ADAM32: variants seen among roughly 807,000 people sequenced by gnomAD.
The protein encoded by ADAM32 is ADAM metallopeptidase domain 32, also known as disintegrin and metalloproteinase domain-containing protein 32.
A neutral mutation model predicts 114.9 loss-of-function variants in ADAM32; 89 were observed. The observed-to-expected ratio is 0.77, with a 90% CI of 0.65 to 0.92. The LOEUF (loss-of-function observed/expected upper bound fraction) is 0.92, where lower values mean the gene tolerates loss of function less well. ADAM32 is among the 40% of genes least tolerant of loss of function. The pLI is 0.00. For synonymous variants in ADAM32, 285 were observed against 307.5 expected (o/e 0.93, Z 0.77); for missense variants, 870 against 932.8 (o/e 0.93, Z 0.88).
chr8:39,193,798 T>C (rs958197849), intron 11 of ADAM32, among the ~76,000 whole-genome samples: 1 of 152,192 alleles, frequency 6.6e-6, no homozygotes, highest in African/African-American at 2.4e-5. Context: ...GACTGCATGC[T>C]TTAATTCTGT....
intron 19 of ADAM32, among the ~76,000 whole-genome samples, chr8:39,270,290 G>A (rs940078159): frequency 2.0e-5 from 3 of 152,136 alleles, no homozygotes; most frequent in African/African-American, 7.2e-5. Flanking sequence ...TGACACTTGG[G>A]AGTCCTACTT....
chr8:39,136,096 C>T (rs547367198), intron 2 of ADAM32, among the ~76,000 whole-genome samples: 83 of 152,290 alleles, frequency 5.5e-4, no homozygotes, highest in African/African-American at 1.9e-3. Context: ...CCCTTTTGCT[C>T]TATAAAATCT....
chr8:39,270,586 G>A (rs955255374), intron 19 of ADAM32, among the ~76,000 whole-genome samples: 2 of 152,150 alleles, frequency 1.3e-5, no homozygotes, highest in African/African-American at 4.8e-5. Flanking sequence ...GACATTCAAG[G>A]TCAAATCTAG....
At chr8:39,279,366 C>A (rs1813282562) in intron 22 of ADAM32, among the ~76,000 whole-genome samples, 1 of 152,224 alleles carries the variant, frequency 6.6e-6, no homozygotes, top group African/African-American at 2.4e-5. Flanking sequence ...CTCACTGCAA[C>A]TTCCATCTCC....
At chr8:39,231,146 C>G (rs1189057018) in intron 14 of ADAM32, among the ~76,000 whole-genome samples, 1 of 152,096 alleles carries the variant, frequency 6.6e-6, no homozygotes, top group Non-Finnish European at 1.5e-5. Context: ...TTGAGTTAAT[C>G]AAAAGGGAGG....
intron 17 of ADAM32, among the ~76,000 whole-genome samples, chr8:39,249,527 C>G: frequency 6.6e-6 from 1 of 152,140 alleles, no homozygotes; most frequent in Non-Finnish European, 1.5e-5. Flanking sequence ...GAGGAAGTAT[C>G]CCCTCTGCTT....
At chr8:39,266,363 A>C (rs966868837) in intron 19 of ADAM32, among the ~76,000 whole-genome samples, 2 of 152,310 alleles carry the variant, frequency 1.3e-5, no homozygotes, top group African/African-American at 4.8e-5. Flanking sequence ...CATTTAAAAA[A>C]TTATTTTTTC....
rs1258291242 is a variant in ADAM32 at position 39,147,205 on chromosome 8, G to A, written c.276G>A (p.Gln92=). ...GSMNTYSSDI[Q]TQCYYQGNIE... ...TGAATACTTATTCTTCAGATATTCA[G>A]GTAAGATTTAAATTCTGTGTTTTAT... Residue 92 remains glutamine, a splice_region_variant and synonymous_variant, in exon 4 of 25, where the codon CAG becomes CAA. Coordinates refer to ENST00000379907, the MANE Select transcript of ADAM32 (RefSeq NM_145004.7). The A allele has an allele frequency of 5.0e-6, 5 of 997,110 alleles. No homozygotes were observed. Among genetic ancestry groups the A allele is most frequent in the Non-Finnish European group, 6.6e-6 (5 of 752,910 alleles). The allele number at this position is 997,110 out of a possible 1,614,324, so 61.8% of individuals were successfully genotyped here.
At chr8:39,151,340 A>G in intron 5 of ADAM32, 37 bp from the exon 6 acceptor site, 1 of 1,496,194 alleles carries the variant, frequency 6.7e-7, no homozygotes, top group African/African-American at 1.4e-5. Flanking sequence ...TATAGATTTG[A>G]TTAAAAGCAC....
At chr8:39,177,061 CTTT>C (rs138755208) in intron 10 of ADAM32, among the ~76,000 whole-genome samples, 130 of 142,930 alleles carry the variant, frequency 9.1e-4, no homozygotes, top group Non-Finnish European at 1.5e-3. Context: ...TCATCTCCTC[CTTT>C]TTTTTTTTTT....
chr8:39,166,523 T>C (rs1804849919), intron 9 of ADAM32: 1 of 152,190 alleles, frequency 6.6e-6, no homozygotes. Context: ...CTTTTTCAAT[T>C]AATGACTTCT....
At chr8:39,154,774 A>G (rs1158431424) in intron 6 of ADAM32, among the ~76,000 whole-genome samples, 1 of 151,494 alleles carries the variant, frequency 6.6e-6, no homozygotes, top group African/African-American at 2.4e-5. Flanking sequence ...TTTGATTTGC[A>G]TTTCTCTTAA....
chr8:39,266,443 G>A (rs1812359640), intron 19 of ADAM32, among the ~76,000 whole-genome samples: 1 of 152,134 alleles, frequency 6.6e-6, no homozygotes, highest in African/African-American at 2.4e-5. Flanking sequence ...CCTCAGCATG[G>A]TCTATTCTGT....
intron 23 of ADAM32, 78 bp from the exon 24 acceptor site, chr8:39,283,508 C>A: frequency 8.6e-7 from 1 of 1,157,060 alleles, no homozygotes; most frequent in Non-Finnish European, 1.2e-6. Flanking sequence ...GAAGAAATTG[C>A]CATAACAAAT....
At chr8:39,108,022 G>A (rs1484738616) in intron 1 of ADAM32, 189 bp downstream of exon 1, 6 of 725,698 alleles carry the variant, frequency 8.3e-6, no homozygotes, top group African/African-American at 7.4e-5. Flanking sequence ...CAGGGCTCAC[G>A]CCTGTAATCC....
intron 3 of ADAM32, among the ~76,000 whole-genome samples, chr8:39,145,762 C>A (rs1471229929): frequency 6.6e-6 from 1 of 151,966 alleles, no homozygotes; most frequent in African/African-American, 2.4e-5. Context: ...GACAGGGTCT[C>A]TCTCTGTCAC....
At chr8:39,201,875 A>T (rs1840582382) in intron 11 of ADAM32, among the ~76,000 whole-genome samples, 1 of 152,156 alleles carries the variant, frequency 6.6e-6, no homozygotes, top group African/African-American at 2.4e-5. Context: ...TTCTGCATCT[A>T]TTGAGATAAC....
intron 5 of ADAM32, among the ~76,000 whole-genome samples, chr8:39,151,104 T>C (rs1803797101): frequency 6.6e-6 from 1 of 152,182 alleles, no homozygotes; most frequent in African/African-American, 2.4e-5. Context: ...TGGAAAACAA[T>C]AGAATTACTC....
At position 39,219,075 on chromosome 8, in the gene ADAM32, G is replaced by A. The variant is rs117718548; in HGVS notation, c.1234-2535G>A. Among the ~76,000 whole-genome samples the A allele has an allele frequency of 6.7e-3, 1,018 of 152,110 alleles. 8 individuals carry two copies. The highest frequency in any genetic ancestry group is 0.01 in the Non-Finnish European group (693 of 67,984). Reference sequence around the variant, plus strand: ...ATATCTAGGAACTAGGACCTGGAATGGGGACTTCACCACCCTGATCAGTGC... The same window carrying A: ...ATATCTAGGAACTAGGACCTGGAATAGGGACTTCACCACCCTGATCAGTGC... On this transcript the variant is annotated intron_variant, in intron 12 of 24. Coordinates refer to ENST00000379907, the MANE Select transcript of ADAM32 (RefSeq NM_145004.7).
Sources: allele counts gnomAD v4.1 joint callset (sites outside exome capture counted in the v4.1 genomes callset), GRCh38; gene constraint gnomAD v4.1.1; transcripts MANE v1.5; gene names NCBI Gene and HGNC (gene_info 2026-07-23, HGNC 2026-07-21).